The following GRIA1 variants were observed in gnomAD, a reference collection of about 807,000 sequenced individuals.
GRIA1 encodes the protein glutamate receptor 1.
Under a neutral mutation model 99.2 loss-of-function variants are expected in GRIA1, and 31 were observed. The ratio of observed to expected loss-of-function variants is 0.31; its 90% CI spans 0.23 to 0.42. The LOEUF (loss-of-function observed/expected upper bound fraction) is 0.42, where lower values mean the gene tolerates loss of function less well. Ranked by LOEUF, GRIA1 falls within the 10% of genes least tolerant of loss-of-function variation. GRIA1 has a pLI of 1.00. For missense variants in GRIA1, 782 were observed against 1,157.5 expected, an observed-to-expected ratio of 0.68 and a Z score of 4.71; for synonymous variants, 438 against 432.4, an observed-to-expected ratio of 1.01 and a Z score of -0.16.
At chr5:153,565,466 T>A (rs1761531516) in intron 2 of GRIA1, among the ~76,000 whole-genome samples, 1 of 152,204 alleles carries the variant, frequency 6.6e-6, no homozygotes. Context: ...ACATACCATA[T>A]CATTCACCCA....
At chr5:153,527,312 G>A (rs1757691915) in intron 2 of GRIA1, among the ~76,000 whole-genome samples, 2 of 152,148 alleles carry the variant, frequency 1.3e-5, no homozygotes, top group Non-Finnish European at 2.9e-5. Context: ...ATTTTTGGTT[G>A]TACACAGGAT....
intron 13 of GRIA1, among the ~76,000 whole-genome samples, chr5:153,773,964 AG>A (rs1261915799): frequency 2.0e-5 from 3 of 152,148 alleles, no homozygotes; most frequent in Non-Finnish European, 4.4e-5. Flanking sequence ...GTGCATTAAA[AG>A]GGAACACTGC....
chr5:153,563,755 T>C (rs369263169), intron 2 of GRIA1, among the ~76,000 whole-genome samples: 62 of 152,348 alleles, frequency 4.1e-4, no homozygotes, highest in African/African-American at 1.4e-3. Context: ...TCCCCCTTTC[T>C]GTCCTTTCTC....
At chr5:153,520,041 T>C (rs2113366680) in intron 2 of GRIA1, among the ~76,000 whole-genome samples, 1 of 152,290 alleles carries the variant, frequency 6.6e-6, no homozygotes, top group Admixed American at 6.5e-5. Flanking sequence ...AGGTTCGTAG[T>C]AACAATAGCT....
At chr5:153,624,252 G>A (rs927636953) in intron 2 of GRIA1, among the ~76,000 whole-genome samples, 1 of 152,200 alleles carries the variant, frequency 6.6e-6, no homozygotes, top group African/African-American at 2.4e-5. Flanking sequence ...CTGAGCAATT[G>A]TCCCCAGGAA....
At chr5:153,691,693 A>C (rs1757770480) in intron 8 of GRIA1, among the ~76,000 whole-genome samples, 1 of 152,224 alleles carries the variant, frequency 6.6e-6, no homozygotes, top group Admixed American at 6.5e-5. Flanking sequence ...TTATAGCATC[A>C]GATATAGACA....
chr5:153,545,828 A>G (rs1055637935), intron 2 of GRIA1, among the ~76,000 whole-genome samples: 1 of 152,216 alleles, frequency 6.6e-6, no homozygotes, highest in Non-Finnish European at 1.5e-5. Flanking sequence ...CCATAGCTGT[A>G]TTCCAATAAA....
Position 153,606,444 on chromosome 5 carries a change from A to G in GRIA1, c.221-40484A>G, listed in dbSNP as rs141231038. Among the ~76,000 whole-genome samples, 918 of 152,238 alleles carry G rather than the reference A, an allele frequency of 6.0e-3. 6 individuals are homozygous for G. Among genetic ancestry groups the G allele is most frequent in the Non-Finnish European group, 0.011 (741 of 67,940 alleles). ...ATGTCACATTCCAAATAAAACCTAC[A>G]GAAATTCTAATTGGGATATAATTTA... On this transcript the variant is annotated intron_variant, in intron 2 of 15. Coordinates refer to ENST00000285900, the MANE Select transcript of GRIA1 (RefSeq NM_000827.4).
At chr5:153,709,053 T>C (rs1759121553) in intron 11 of GRIA1, among the ~76,000 whole-genome samples, 1 of 152,254 alleles carries the variant, frequency 6.6e-6, no homozygotes, top group African/African-American at 2.4e-5. Context: ...TACTTCATCT[T>C]ACCTTGAACC....
intron 2 of GRIA1, among the ~76,000 whole-genome samples, chr5:153,620,236 A>G (rs540821567): frequency 4.9e-4 from 74 of 152,270 alleles, no homozygotes; most frequent in Non-Finnish European, 9.0e-4. Flanking sequence ...GAAAACATAG[A>G]AGGAACTAGA....
At chr5:153,601,188 T>A (rs1764923446) in intron 2 of GRIA1, among the ~76,000 whole-genome samples, 1 of 152,228 alleles carries the variant, frequency 6.6e-6, no homozygotes, top group Non-Finnish European at 1.5e-5. Flanking sequence ...TATGTCTCCA[T>A]GAGATAAGAG....
chr5:153,585,439 G>A (rs1414680014), intron 2 of GRIA1, among the ~76,000 whole-genome samples: 3 of 150,842 alleles, frequency 2.0e-5, no homozygotes, highest in Non-Finnish European at 4.4e-5. Flanking sequence ...CTCCCAAGTA[G>A]CTGGGACTAC....
intron 10 of GRIA1, among the ~76,000 whole-genome samples, chr5:153,705,390 T>G (rs1420303757): frequency 1.3e-5 from 2 of 151,740 alleles, no homozygotes; most frequent in African/African-American, 4.8e-5. Context: ...AGGAAGGGAG[T>G]GGGGCTGCTG....
At chr5:153,551,101 G>T (rs1477937535) in intron 2 of GRIA1, among the ~76,000 whole-genome samples, 1 of 152,088 alleles carries the variant, frequency 6.6e-6, no homozygotes, top group Non-Finnish European at 1.5e-5. Context: ...AGTCATGTAA[G>T]TGTTGATTAT....
chr5:153,645,278 A>G (rs1754062752), intron 2 of GRIA1, among the ~76,000 whole-genome samples: 1 of 152,104 alleles, frequency 6.6e-6, no homozygotes, highest in Admixed American at 6.6e-5. Flanking sequence ...TGCAGATGGT[A>G]TGCTGGTTTT....
chr5:153,742,158 A>G (rs2149576160), intron 11 of GRIA1, among the ~76,000 whole-genome samples: 1 of 152,346 alleles, frequency 6.6e-6, no homozygotes, highest in South Asian at 2.1e-4. Context: ...GAGGGGGTCC[A>G]GAAAAACTTC....
chr5:153,797,565 AC>A (rs1765726704), intron 14 of GRIA1, among the ~76,000 whole-genome samples: 1 of 152,168 alleles, frequency 6.6e-6, no homozygotes, highest in South Asian at 2.1e-4. Context: ...CTGTGGGGAC[AC>A]CCATGTTACA....
At chr5:153,695,838 G>T (rs909917835) in intron 8 of GRIA1, among the ~76,000 whole-genome samples, 1 of 152,174 alleles carries the variant, frequency 6.6e-6, no homozygotes, top group Non-Finnish European at 1.5e-5. Flanking sequence ...TCTCAGCATC[G>T]ATAGGGTGCA....
At chr5:153,619,141 G>GT (rs1375472731) in intron 2 of GRIA1, among the ~76,000 whole-genome samples, 1 of 152,126 alleles carries the variant, frequency 6.6e-6, no homozygotes, top group African/African-American at 2.4e-5. Flanking sequence ...GGTTTAAACA[G>GT]TTTTTTCCTC....
Sources: gnomAD v4.1 joint callset for allele counts (sites outside exome capture counted in the v4.1 genomes callset) on GRCh38, gnomAD v4.1.1 for gene constraint, MANE v1.5 for transcripts, NCBI Gene and HGNC (gene_info 2026-07-23, HGNC 2026-07-21) for gene names.